SDK1: variants seen among roughly 807,000 people sequenced by gnomAD.
SDK1 encodes the protein protein sidekick-1.
SDK1 carries 157 observed loss-of-function variants against 245.5 expected under a neutral mutation model. The ratio of observed to expected loss-of-function variants is 0.64; its 90% CI spans 0.56 to 0.73. The LOEUF (loss-of-function observed/expected upper bound fraction) is 0.73. SDK1 is among the 30% of genes least tolerant of loss of function. The pLI is 0.00. For missense variants in SDK1, 3,583 were observed against 3,002.3 expected (o/e 1.19, Z -4.52); for synonymous variants, 1,647 against 1,278.5 (o/e 1.29, Z -6.15).
chr7:3,774,680 T>C (rs1445375066), intron 4 of SDK1, among the ~76,000 whole-genome samples: 2 of 152,222 alleles, frequency 1.3e-5, no homozygotes, highest in African/African-American at 4.8e-5. Context: ...CTCTCTCCTC[T>C]GCCATCTTCC....
intron 4 of SDK1, among the ~76,000 whole-genome samples, chr7:3,702,268 C>T (rs1784762277): frequency 6.6e-6 from 1 of 152,120 alleles, no homozygotes; most frequent in South Asian, 2.1e-4. Flanking sequence ...AAAGATTTCT[C>T]AAAATTCTAC....
At chr7:3,657,776 C>T (rs117365861) in intron 4 of SDK1, among the ~76,000 whole-genome samples, 1 of 152,244 alleles carries the variant, frequency 6.6e-6, no homozygotes, top group Non-Finnish European at 1.5e-5. Flanking sequence ...CGAGACTACT[C>T]TAAATCTTCA....
Position 4,149,465 on chromosome 7 carries a change from T to G in SDK1, c.4625+2T>G, listed in dbSNP as rs1584298202. The stretch of plus-strand genomic sequence containing the variant: ...GGCGACAGCATGCGTCGTTGACAGG[T>G]ACTGAGAGAGCAGGAGCACCTCCCC... On this transcript the variant is annotated splice_donor_variant, in intron 30 of 44. Coordinates refer to ENST00000404826, the MANE Select transcript of SDK1 (RefSeq NM_152744.4). LOFTEE classifies it high-confidence loss of function. 6.8e-7 allele frequency: 1 copy of G among 1,474,126 alleles called. No individual in the cohort carries two copies. Among genetic ancestry groups the G allele is most frequent in the African/African-American group, 1.4e-5 (1 of 69,618 alleles). 91.3% of individuals were successfully genotyped at this position (1,474,126 alleles called of 1,614,324 possible). A position where few individuals can be genotyped will look rare whatever the true frequency, so the allele number is the denominator to read the frequency against.
chr7:3,380,632 A>C (rs905157071), intron 1 of SDK1, among the ~76,000 whole-genome samples: 7 of 152,192 alleles, frequency 4.6e-5, no homozygotes, highest in African/African-American at 7.2e-5. Context: ...TTAAGCTTTT[A>C]ACGTTTTCAA....
At position 3,394,497 on chromosome 7, in the gene SDK1, T is replaced by C. The variant is rs568841312; in HGVS notation, c.298+92613T>C. On this transcript the variant is annotated intron_variant, in intron 1 of 44. Coordinates refer to ENST00000404826, the MANE Select transcript of SDK1 (RefSeq NM_152744.4). ...TTTTTTTTCAAAATTGTTTTGATTA[T>C]TCTAAATGTTTTGCATTTTCATTTG... Among the ~76,000 whole-genome samples, 12 of 152,276 alleles carry C rather than the reference T, an allele frequency of 7.9e-5. No individual in the cohort carries two copies. The South Asian group carries it at 2.5e-3, about 32-fold the overall frequency.
chr7:4,206,314 T>G (rs1784223032), intron 36 of SDK1, among the ~76,000 whole-genome samples: 1 of 152,210 alleles, frequency 6.6e-6, no homozygotes, highest in South Asian at 2.1e-4. Context: ...TTCCGTTTCC[T>G]GGGCCCATTC....
At chr7:4,057,193 C>T (rs1161281365) in intron 19 of SDK1, among the ~76,000 whole-genome samples, 1 of 152,146 alleles carries the variant, frequency 6.6e-6, no homozygotes, top group Admixed American at 6.5e-5. Flanking sequence ...TCACCCCACC[C>T]CAGCTGACCA....
At chr7:3,754,661 G>C (rs969145550) in intron 4 of SDK1, among the ~76,000 whole-genome samples, 2 of 150,852 alleles carry the variant, frequency 1.3e-5, no homozygotes, top group Non-Finnish European at 2.9e-5. Context: ...ACAGCATGAC[G>C]TGGTTTCTAA....
chr7:4,052,956 A>G (rs1396991640), intron 19 of SDK1, among the ~76,000 whole-genome samples: 2 of 151,616 alleles, frequency 1.3e-5, no homozygotes, highest in African/African-American at 2.4e-5. Flanking sequence ...GTGTGGTGGC[A>G]GGCGCCTGTA....
At chr7:4,234,424 G>T (rs1311563813) in intron 41 of SDK1, among the ~76,000 whole-genome samples, 1 of 152,198 alleles carries the variant, frequency 6.6e-6, no homozygotes, top group Admixed American at 6.5e-5. Context: ...CATGGCAGGG[G>T]TTATGACACA....
At chr7:3,601,815 T>C (rs1781262267) in intron 1 of SDK1, among the ~76,000 whole-genome samples, 2 of 146,806 alleles carry the variant, frequency 1.4e-5, no homozygotes, top group Admixed American at 1.4e-4. Flanking sequence ...CTCCTAATGC[T>C]ATCCCTCCCC....
intron 1 of SDK1, among the ~76,000 whole-genome samples, chr7:3,587,528 A>T (rs1780729508): frequency 6.6e-6 from 1 of 152,164 alleles, no homozygotes; most frequent in Admixed American, 6.5e-5. Context: ...GAGAAGATTG[A>T]TGTCCCCGAC....
chr7:3,320,186 G>GCAC (rs1184505439), intron 1 of SDK1, among the ~76,000 whole-genome samples: 2 of 151,876 alleles, frequency 1.3e-5, no homozygotes, highest in Admixed American at 6.6e-5. Context: ...CCTTCCCACC[G>GCAC]CACACATGCG....
chr7:3,975,123 C>A (rs924695881), intron 13 of SDK1, among the ~76,000 whole-genome samples: 1 of 152,174 alleles, frequency 6.6e-6, no homozygotes, highest in Non-Finnish European at 1.5e-5. Context: ...CCGTCAATCT[C>A]CCCCGTCTCT....
At chr7:4,107,675 A>C (rs1254007561) in intron 22 of SDK1, among the ~76,000 whole-genome samples, 1 of 152,054 alleles carries the variant, frequency 6.6e-6, no homozygotes, top group African/African-American at 2.4e-5. Context: ...AATCCAACTG[A>C]AAAAATGTGG....
intron 2 of SDK1, among the ~76,000 whole-genome samples, chr7:3,638,378 C>G (rs1042158919): frequency 1.3e-5 from 2 of 151,914 alleles, no homozygotes; most frequent in African/African-American, 4.8e-5. Context: ...AGACTTGGAA[C>G]CAACCCAAAT....
chr7:3,324,882 T>C (rs183531667), intron 1 of SDK1, among the ~76,000 whole-genome samples: 24 of 152,268 alleles, frequency 1.6e-4, no homozygotes, highest in African/African-American at 5.5e-4. Flanking sequence ...AAGAAAGTCC[T>C]CCCATGCTTC....
chr7:3,439,860 C>T (rs1482321890), intron 1 of SDK1, among the ~76,000 whole-genome samples: 14 of 152,216 alleles, frequency 9.2e-5, no homozygotes, highest in Admixed American at 9.2e-4. Context: ...GGGCACTGTG[C>T]TGTCCTCAGA....
At chr7:3,937,841 C>A (rs1780213292) in intron 5 of SDK1, among the ~76,000 whole-genome samples, 2 of 150,102 alleles carry the variant, frequency 1.3e-5, no homozygotes, top group Admixed American at 1.3e-4. Flanking sequence ...AAGAGCATTT[C>A]TTTTTTTTTT....
Sources: allele counts gnomAD v4.1 joint callset (sites outside exome capture counted in the v4.1 genomes callset), GRCh38; gene constraint gnomAD v4.1.1; transcripts MANE v1.5; gene names NCBI Gene and HGNC (gene_info 2026-07-23, HGNC 2026-07-21).